Variants in PPM1H observed in about 807,000 individuals in gnomAD.
PPM1H encodes protein phosphatase 1H.
In PPM1H, 27 loss-of-function variants were observed where a neutral mutation model predicts 54.9. The ratio of observed to expected loss-of-function variants is 0.49; its 90% CI spans 0.36 to 0.68. PPM1H has a LOEUF of 0.68. PPM1H is among the 30% of genes least tolerant of loss of function. PPM1H has a pLI of 0.00. For missense variants in PPM1H, 596 were observed against 667.8 expected (o/e 0.89, Z 1.19); for synonymous variants, 305 against 270.8 (o/e 1.13, Z -1.24).
intron 1 of PPM1H, among the ~76,000 whole-genome samples, chr12:62,901,413 T>G (rs187782720): frequency 6.6e-6 from 1 of 152,252 alleles, no homozygotes; most frequent in East Asian, 1.9e-4. Flanking sequence ...AGCTTGCCAC[T>G]TCACAGATGA....
intron 1 of PPM1H, among the ~76,000 whole-genome samples, chr12:62,898,411 A>G (rs1430207833): frequency 6.6e-6 from 1 of 152,218 alleles, no homozygotes; most frequent in African/African-American, 2.4e-5. Flanking sequence ...TGGGGCGACA[A>G]AGGAAAAAAC....
At chr12:62,767,355 C>G (rs1401682372) in intron 4 of PPM1H, among the ~76,000 whole-genome samples, 1 of 152,084 alleles carries the variant, frequency 6.6e-6, no homozygotes, top group Admixed American at 6.6e-5. Context: ...AAGGGAAATC[C>G]TAGAGGCCGA....
At chr12:62,661,844 A>G (rs892277744) in intron 9 of PPM1H, among the ~76,000 whole-genome samples, 13 of 152,184 alleles carry the variant, frequency 8.5e-5, no homozygotes, top group African/African-American at 3.1e-4. Flanking sequence ...ATGCCACTGC[A>G]CCTGTCTTTA....
chr12:62,794,375 C>T (rs970076803), intron 3 of PPM1H, among the ~76,000 whole-genome samples: 1 of 152,094 alleles, frequency 6.6e-6, no homozygotes, highest in South Asian at 2.1e-4. Flanking sequence ...AACTTTGCCC[C>T]CTTTTTGTCA....
intron 9 of PPM1H, among the ~76,000 whole-genome samples, chr12:62,656,325 G>A (rs927247600): frequency 1.3e-5 from 2 of 152,164 alleles, no homozygotes; most frequent in African/African-American, 4.8e-5. Context: ...CAAGGCTCCT[G>A]TAACAGCCAT....
chr12:62,738,508 C>T (rs1048617887), intron 4 of PPM1H, among the ~76,000 whole-genome samples: 1 of 152,120 alleles, frequency 6.6e-6, no homozygotes, highest in Non-Finnish European at 1.5e-5. Flanking sequence ...GCTGCAGGAT[C>T]GATAACCATG....
intron 1 of PPM1H, among the ~76,000 whole-genome samples, chr12:62,921,207 G>A (rs13377631): frequency 0.1 from 15,541 of 152,068 alleles, 871 homozygotes; most frequent in East Asian, 0.22. Context: ...AGGATTACAG[G>A]CATGAGCCAC....
intron 9 of PPM1H, among the ~76,000 whole-genome samples, chr12:62,651,560 C>A (rs1193544817): frequency 6.6e-6 from 1 of 152,196 alleles, no homozygotes; most frequent in Non-Finnish European, 1.5e-5. Context: ...CCAGGAAACT[C>A]ATTTCCCTGA....
chr12:62,823,124 C>G lies in PPM1H; in HGVS notation c.411+8990G>C, dbSNP rs530002021. 3.9e-5 allele frequency among the ~76,000 whole-genome samples: 6 copies of G among 152,274 alleles called. No individual in the cohort carries two copies. In the South Asian group the frequency reaches 1.2e-3, roughly 32 times the overall value. ...AGAGAATACTATAAACACCTCTACA[C>G]AAATAAACTAGAAAATATAGAAAAA... On this transcript the variant is annotated intron_variant, in intron 2 of 9. Transcript: ENST00000228705.
At chr12:62,714,123 G>A (rs1466838243) in intron 6 of PPM1H, among the ~76,000 whole-genome samples, 1 of 152,182 alleles carries the variant, frequency 6.6e-6, no homozygotes, top group African/African-American at 2.4e-5. Context: ...CTGTGATGAT[G>A]GAGACGTTCT....
chr12:62,685,313 A>C (rs1358808212), intron 8 of PPM1H, among the ~76,000 whole-genome samples: 1 of 152,170 alleles, frequency 6.6e-6, no homozygotes, highest in African/African-American at 2.4e-5. Flanking sequence ...CAAGGTCCCA[A>C]GACAAAGTTG....
intron 4 of PPM1H, among the ~76,000 whole-genome samples, chr12:62,764,736 C>T (rs1462769616): frequency 2.0e-5 from 3 of 152,168 alleles, no homozygotes; most frequent in Admixed American, 1.3e-4. Context: ...AGGGAGGAGC[C>T]GTGATCCATC....
chr12:62,678,652 T>G (rs1174422088), intron 8 of PPM1H, among the ~76,000 whole-genome samples: 1 of 151,926 alleles, frequency 6.6e-6, no homozygotes, highest in Non-Finnish European at 1.5e-5. Flanking sequence ...CCATGTAAGG[T>G]GAGAATATAC....
At chr12:62,716,622 GC>G (rs901908311) in intron 6 of PPM1H, among the ~76,000 whole-genome samples, 1 of 152,150 alleles carries the variant, frequency 6.6e-6, no homozygotes, top group African/African-American at 2.4e-5. Context: ...AACCTCCCAG[GC>G]CCAAGCAATC....
intron 4 of PPM1H, among the ~76,000 whole-genome samples, chr12:62,786,431 C>A (rs1055962609): frequency 2.0e-4 from 31 of 152,226 alleles, no homozygotes; most frequent in African/African-American, 7.2e-4. Flanking sequence ...GCAGGCTGAC[C>A]TCCCTGGGCC....
In PPM1H at chr12:62,883,081, C is replaced by T. The variant is rs117933823; in HGVS notation, c.246-50802G>A. Among the ~76,000 whole-genome samples, 23 of 152,290 alleles carry T rather than the reference C, an allele frequency of 1.5e-4. No individual in the cohort carries two copies. In the East Asian group the frequency reaches 4.3e-3, roughly 28 times the overall value. ...CACTAAAATGTATACTTCTTGAGGT[C>T]AGAAACTGTTTTTGCTAGCCCAGCA... is the stretch of plus-strand genomic sequence containing the variant. On this transcript the variant is annotated intron_variant, in intron 1 of 9. Coordinates refer to ENST00000228705, the MANE Select transcript of PPM1H (RefSeq NM_020700.2).
At chr12:62,768,228 G>T (rs1230052837) in intron 4 of PPM1H, among the ~76,000 whole-genome samples, 1 of 152,174 alleles carries the variant, frequency 6.6e-6, no homozygotes, top group South Asian at 2.1e-4. Context: ...GAAAGGAAAA[G>T]GCAGCAGGAG....
At chr12:62,927,933 T>G (rs939193658) in intron 1 of PPM1H, among the ~76,000 whole-genome samples, 7 of 152,330 alleles carry the variant, frequency 4.6e-5, no homozygotes, top group Middle Eastern at 6.8e-3. Flanking sequence ...GAGTATCTCA[T>G]GGTTAAAAAT....
intron 4 of PPM1H, among the ~76,000 whole-genome samples, chr12:62,764,787 G>A (rs766091542): frequency 6.6e-6 from 1 of 152,154 alleles, no homozygotes; most frequent in African/African-American, 2.4e-5. Context: ...GGTCCAGGAG[G>A]GTACAGTGAG....
Sources: allele counts gnomAD v4.1 joint callset (sites outside exome capture counted in the v4.1 genomes callset), GRCh38; gene constraint gnomAD v4.1.1; transcripts MANE v1.5; gene names NCBI Gene and HGNC (gene_info 2026-07-23, HGNC 2026-07-21).